PPP4R2: variants seen among roughly 807,000 people sequenced by gnomAD.
PPP4R2 encodes protein phosphatase 4 regulatory subunit 2.
PPP4R2 carries 13 observed loss-of-function variants against 47.2 expected under a neutral mutation model. That is an observed-to-expected ratio of 0.28 (90% confidence interval 0.18 to 0.44). The LOEUF (loss-of-function observed/expected upper bound fraction) is 0.44, where lower values mean the gene tolerates loss of function less well. Among genes scored for constraint, PPP4R2 ranks in the 20% least tolerant of loss-of-function variants. The pLI is 1.00. For synonymous variants in PPP4R2, 151 were observed against 163.3 expected (o/e 0.92, Z 0.57); for missense variants, 421 against 491.2 (o/e 0.86, Z 1.35).
At chr3:73,062,699 C>G (rs1435183308) in intron 5 of PPP4R2, 1 of 1,613,996 alleles carries the variant, frequency 6.2e-7, no homozygotes, top group Non-Finnish European at 8.5e-7. Flanking sequence ...CCAGCAGTCT[C>G]CAAGTTCAGA....
At chr3:73,036,274 T>C (rs1157349843) in intron 2 of PPP4R2, among the ~76,000 whole-genome samples, 1 of 152,082 alleles carries the variant, frequency 6.6e-6, no homozygotes, top group Non-Finnish European at 1.5e-5. Context: ...TGAATAGAAA[T>C]TGGTTACTGG....
chr3:73,028,215 C>T (rs1050258728), intron 2 of PPP4R2, among the ~76,000 whole-genome samples: 7 of 148,364 alleles, frequency 4.7e-5, no homozygotes, highest in Non-Finnish European at 1.0e-4. Flanking sequence ...TGAGATCACA[C>T]CACCATATTC....
intron 2 of PPP4R2, among the ~76,000 whole-genome samples, chr3:73,019,840 T>A (rs1701923794): frequency 6.6e-6 from 1 of 152,218 alleles, no homozygotes. Context: ...CACTTGGCTC[T>A]TGTCTGAGAG....
chr3:73,058,394 T>C (rs1056989063), intron 3 of PPP4R2, among the ~76,000 whole-genome samples: 4 of 152,114 alleles, frequency 2.6e-5, no homozygotes, highest in African/African-American at 9.7e-5. Flanking sequence ...TTATTTGTGT[T>C]ACCTCTCTTG....
rs1164350478 is a variant in PPP4R2 at position 73,018,992 on chromosome 3, C to T, written c.116+20834C>T. Among the ~76,000 whole-genome samples the T allele has an allele frequency of 2.7e-5, 4 of 146,984 alleles. No homozygotes were observed. In the East Asian group the frequency reaches 7.7e-4, roughly 28 times the overall value. On this transcript the variant is annotated intron_variant, in intron 2 of 8. Coordinates refer to ENST00000356692, the MANE Select transcript of PPP4R2 (RefSeq NM_174907.4). ...CTTATGTTACTCAGAATGTGTCACACAGTAGGAGCTGGGTTAGATAAATGA... is the reference window on the plus strand; with the variant it reads ...CTTATGTTACTCAGAATGTGTCACATAGTAGGAGCTGGGTTAGATAAATGA...
intron 5 of PPP4R2, chr3:73,062,118 T>C (rs757735056): frequency 6.5e-7 from 1 of 1,548,358 alleles, no homozygotes; most frequent in East Asian, 2.4e-5. Context: ...TTATGTTAAT[T>C]CTCACAGTCT....
At chr3:73,036,201 C>G (rs1702258472) in intron 2 of PPP4R2, among the ~76,000 whole-genome samples, 1 of 152,020 alleles carries the variant, frequency 6.6e-6, no homozygotes, top group Non-Finnish European at 1.5e-5. Flanking sequence ...AAAAGTTGAT[C>G]TTAACGGAGG....
At chr3:73,020,579 A>T (rs552593474) in intron 2 of PPP4R2, among the ~76,000 whole-genome samples, 65 of 149,314 alleles carry the variant, frequency 4.4e-4, no homozygotes, top group Non-Finnish European at 8.3e-4. Context: ...CTGAGGTGGG[A>T]GGATCACTTG....
intron 2 of PPP4R2, among the ~76,000 whole-genome samples, chr3:73,003,410 G>A (rs12637147): frequency 0.13 from 19,796 of 151,546 alleles, 1,568 homozygotes; most frequent in East Asian, 0.36. Context: ...ACGGGGTTTC[G>A]CTGTGTTGAA....
intron 3 of PPP4R2, among the ~76,000 whole-genome samples, chr3:73,048,404 G>A (rs1174637963): frequency 3.3e-5 from 5 of 151,948 alleles, no homozygotes. Context: ...ACAGGTGCGC[G>A]CCACGGTGCT....
chr3:72,997,203 C>T, intron 1 of PPP4R2, 132 bp downstream of exon 1: 2 of 604,886 alleles, frequency 3.3e-6, no homozygotes, highest in Non-Finnish European at 5.0e-6. Flanking sequence ...CTCCCATCCC[C>T]CTCCACCTCC....
intron 2 of PPP4R2, chr3:73,015,907 G>A (rs149290484): frequency 2.2e-5 from 7 of 324,522 alleles, no homozygotes; most frequent in Non-Finnish European, 3.9e-5. Context: ...CAAAGTGCTG[G>A]GATTACAGAC....
chr3:73,047,665 A>T (rs1384543112), intron 3 of PPP4R2, among the ~76,000 whole-genome samples: 1 of 152,210 alleles, frequency 6.6e-6, no homozygotes, highest in Admixed American at 6.5e-5. Flanking sequence ...GAACCTTTAT[A>T]TCATTGAGAA....
Position 73,037,477 on chromosome 3 carries a change from T to C in PPP4R2, c.117-9709T>C, listed in dbSNP as rs1222727760. Among the ~76,000 whole-genome samples the C allele has an allele frequency of 2.0e-5, 3 of 152,166 alleles. No homozygotes were observed. The South Asian group carries it at 6.2e-4, about 32-fold the overall frequency. On this transcript the variant is annotated intron_variant, in intron 2 of 8. Transcript: ENST00000356692. The stretch of plus-strand genomic sequence containing the variant: ...TGTTCTCCACCAGGAACCACTTCCC[T>C]CCCATGGTTCATTTGGCAATGACTA...
intron 2 of PPP4R2, among the ~76,000 whole-genome samples, chr3:73,007,436 G>GTTTCT (rs1323167448): frequency 6.6e-6 from 1 of 151,618 alleles, no homozygotes; most frequent in Non-Finnish European, 1.5e-5. Context: ...CTTTTGTGAG[G>GTTTCT]TTTCTTTTAT....
intron 2 of PPP4R2, among the ~76,000 whole-genome samples, chr3:73,022,768 C>CTTT (rs72246096): frequency 4.2e-4 from 58 of 136,996 alleles, no homozygotes; most frequent in Non-Finnish European, 8.3e-4. Context: ...TGCCGCATTT[C>CTTT]TTTTTTTTTT....
chr3:73,030,795 G>A (rs527894117), intron 2 of PPP4R2, among the ~76,000 whole-genome samples: 2 of 151,624 alleles, frequency 1.3e-5, no homozygotes, highest in Admixed American at 1.3e-4. Context: ...TACGCCTCCC[G>A]GATTCAAGCA....
chr3:73,065,532 A>G lies in PPP4R2; in HGVS notation c.1064A>G (p.Glu355Gly), dbSNP rs1330521394. The G allele has an allele frequency of 5.0e-6, 8 of 1,612,222 alleles. No homozygotes were observed. Among genetic ancestry groups the G allele is most frequent in the Non-Finnish European group, 6.8e-6 (8 of 1,179,714 alleles). ...GAGGAATCTGATGTGTCTCAAGCTG[A>G]GAAAGATTTGCTACATTCTGAAGGT... ...QMEESDVSQAEKDLLHSEGSE... is the reference protein window; with the variant it reads ...QMEESDVSQAGKDLLHSEGSE... The change falls in exon 9 of 9, where the codon GAG (glutamate) becomes GGG (glycine). Residue 355 changes from glutamate to glycine, a missense_variant. Around this residue, in one of 2 missense-constraint regions of PPP4R2, gnomAD observed 317 missense variants for 287.5 expected, o/e 1.10. Coordinates refer to ENST00000356692, the MANE Select transcript of PPP4R2 (RefSeq NM_174907.4).
chr3:73,003,886 G>C (rs1280116210), intron 2 of PPP4R2, among the ~76,000 whole-genome samples: 8 of 152,114 alleles, frequency 5.3e-5, no homozygotes, highest in Non-Finnish European at 1.0e-4. Context: ...TTTCAGTTGA[G>C]ACGGGGTTTC....
Sources: gnomAD v4.1 joint callset for allele counts (sites outside exome capture counted in the v4.1 genomes callset) on GRCh38, gnomAD v4.1.1 for gene constraint, gnomAD v4.1.1 regional missense constraint, MANE v1.5 for transcripts, NCBI Gene and HGNC (gene_info 2026-07-23, HGNC 2026-07-21) for gene names.